Variants in ERICH6 observed in about 807,000 individuals in gnomAD.
ERICH6 encodes glutamate rich 6.
In ERICH6, 71 loss-of-function variants were observed where a neutral mutation model predicts 71.0. That is an observed-to-expected ratio of 1.00 (90% CI 0.83 to 1.22). ERICH6 has a LOEUF of 1.22. ERICH6 is among the 50% of genes most tolerant of loss of function. ERICH6 has a pLI of 0.00. For missense variants in ERICH6, 808 were observed against 797.2 expected, an observed-to-expected ratio of 1.01 and a Z score of -0.16; for synonymous variants, 262 against 278.4, an observed-to-expected ratio of 0.94 and a Z score of 0.59.
chr3:150,660,428 C>G (rs1420929359), intron 13 of ERICH6, among the ~76,000 whole-genome samples: 3 of 152,160 alleles, frequency 2.0e-5, no homozygotes, highest in Non-Finnish European at 4.4e-5. Context: ...GAGGGGATCA[C>G]AAAGATGCCT....
At chr3:150,676,315 T>C (rs545450475) in intron 10 of ERICH6, among the ~76,000 whole-genome samples, 4 of 152,288 alleles carry the variant, frequency 2.6e-5, no homozygotes, top group African/African-American at 7.2e-5. Context: ...TTTTTTTCCA[T>C]TTCAAATTTG....
At chr3:150,665,750 C>T (rs992852020) in intron 13 of ERICH6, among the ~76,000 whole-genome samples, 19 of 150,362 alleles carry the variant, frequency 1.3e-4, no homozygotes, top group Admixed American at 8.0e-4. Context: ...ATTGCTTGAA[C>T]CTGGGAGGTG....
At chr3:150,698,578 T>C (rs1290971756) in intron 3 of ERICH6, among the ~76,000 whole-genome samples, 4 of 152,262 alleles carry the variant, frequency 2.6e-5, no homozygotes, top group African/African-American at 9.6e-5. Flanking sequence ...TTTAATCTTA[T>C]TTTGATCTTC....
chr3:150,688,180 T>C (rs1347706717), intron 3 of ERICH6, among the ~76,000 whole-genome samples: 1 of 151,466 alleles, frequency 6.6e-6, no homozygotes, highest in Non-Finnish European at 1.5e-5. Flanking sequence ...TTTGGGGAGG[T>C]TGGGGGGCAA....
At chr3:150,702,081 T>C (rs1021579631) in intron 2 of ERICH6, 40 bp downstream of exon 2, 4 of 1,313,502 alleles carry the variant, frequency 3.0e-6, no homozygotes, top group Admixed American at 1.9e-5. Flanking sequence ...GTAAACATTA[T>C]TGGGTTCAAA....
intron 9 of ERICH6, 50 bp downstream of exon 9, chr3:150,680,418 C>T: frequency 6.4e-7 from 1 of 1,572,472 alleles, no homozygotes; most frequent in Non-Finnish European, 8.7e-7. Context: ...AACATCTGAG[C>T]TTTCTGACGT....
rs566378378 is a variant in ERICH6, at chr3:150,703,875, G to A, written c.24C>T (p.Ser8=). ...CCTTCTTCCCCGGGTCTCCGAAGCC[G>A]CTAGGCGAGCGCAAGTGGGCCATGG... MAHLRSP[S]GFGDPGKKDQ... is the part of the protein sequence containing the mutation. Residue 8 remains serine (S), a synonymous_variant, in exon 1 of 14, where the codon AGC becomes AGT. Coordinates refer to ENST00000295910, the MANE Select transcript of ERICH6 (RefSeq NM_152394.5). 2.1e-4 allele frequency: 336 copies of A among 1,613,200 alleles called. 3 individuals are homozygous for A. In the South Asian group the frequency reaches 2.7e-3, roughly 13 times the overall value.
At position 150,674,041 on chromosome 3, in the gene ERICH6, C is replaced by A. The variant is rs781452740; in HGVS notation, c.1258G>T (p.Val420Phe). 2.4e-5 allele frequency: 38 copies of A among 1,612,952 alleles called. No homozygotes were observed. Among genetic ancestry groups the A allele is most frequent in the Non-Finnish European group, 3.2e-5 (38 of 1,179,566 alleles). ...TTCTCTAAGAGCTCATTCCTGACAA[C>A]CTATACACCACAGAAAAGAAAAGAC... ...CCDSRIACGK[V>F]VRNELLEKHY... The change falls in exon 11 of 14, where the codon GTT becomes TTT. Residue 420 changes from valine (V) to phenylalanine (F), a missense_variant and splice_region_variant. By Grantham distance (50) the Val-to-Phe change is conservative. Around this residue, in one of 3 missense-constraint regions of ERICH6, gnomAD observed 736 missense variants for 712.2 expected, o/e 1.03. Coordinates refer to ENST00000295910, the MANE Select transcript of ERICH6 (RefSeq NM_152394.5).
intron 1 of ERICH6, among the ~76,000 whole-genome samples, chr3:150,702,824 T>G (rs1576566869): frequency 1.3e-5 from 2 of 150,502 alleles, no homozygotes; most frequent in South Asian, 2.1e-4. Flanking sequence ...GAGAGTTGTT[T>G]TTTTTTTTTG....
intron 10 of ERICH6, among the ~76,000 whole-genome samples, chr3:150,677,583 A>C (rs981353705): frequency 6.6e-6 from 1 of 151,522 alleles, no homozygotes; most frequent in African/African-American, 2.4e-5. Context: ...TGCAACCTCC[A>C]CCCCCAGGCT....
chr3:150,701,381 A>G (rs953587070), intron 2 of ERICH6, among the ~76,000 whole-genome samples: 1 of 151,940 alleles, frequency 6.6e-6, no homozygotes, highest in African/African-American at 2.4e-5. Context: ...CATTTTAAAT[A>G]ATGGAAACAA....
intron 10 of ERICH6, among the ~76,000 whole-genome samples, chr3:150,674,673 T>C (rs1438821957): frequency 6.6e-6 from 1 of 152,196 alleles, no homozygotes; most frequent in African/African-American, 2.4e-5. Context: ...TTATACTGGA[T>C]CTATGGATCA....
chr3:150,677,927 A>T (rs1348234261), intron 10 of ERICH6, among the ~76,000 whole-genome samples: 1 of 152,252 alleles, frequency 6.6e-6, no homozygotes, highest in Non-Finnish European at 1.5e-5. Context: ...ACTTTTGATT[A>T]CAAGAAAAAT....
Position 150,688,466 on chromosome 3 carries a change from A to C in ERICH6, c.554-2112T>G, listed in dbSNP as rs143281089. 3.5e-3 allele frequency among the ~76,000 whole-genome samples: 538 copies of C among 152,340 alleles called. 5 individuals carry two copies. The highest frequency in any genetic ancestry group is 0.013 in the African/African-American group (521 of 41,580). ...TTCCTGACATGGAGAGATGTCCGTGATACATTGCTGTCTTAGTTCATTTGG... is the reference window on the plus strand; with the variant it reads ...TTCCTGACATGGAGAGATGTCCGTGCTACATTGCTGTCTTAGTTCATTTGG... On this transcript the variant is annotated intron_variant, in intron 3 of 13. Coordinates refer to ENST00000295910, the MANE Select transcript of ERICH6 (RefSeq NM_152394.5).
At chr3:150,660,384 A>G (rs1329990825) in intron 13 of ERICH6, among the ~76,000 whole-genome samples, 1 of 152,212 alleles carries the variant, frequency 6.6e-6, no homozygotes, top group Non-Finnish European at 1.5e-5. Flanking sequence ...TCAAAAGCCT[A>G]TAATTTATTC....
At chr3:150,673,832 C>T in intron 11 of ERICH6, 124 bp downstream of exon 11, 1 of 805,470 alleles carries the variant, frequency 1.2e-6, no homozygotes, top group Non-Finnish European at 2.0e-6. Context: ...CTGCCCACCT[C>T]AGCCTCCCAA....
In ERICH6 at chr3:150,680,718, C is replaced by G. The variant is rs558724694; in HGVS notation, c.1040+55G>C. ...GAAAAAATGAGGTTCATTTACAAAA[C>G]GAGCTCCGATTAAGCCGGCCTGTAT... On this transcript the variant is annotated intron_variant, in intron 8 of 13. Coordinates refer to ENST00000295910, the MANE Select transcript of ERICH6 (RefSeq NM_152394.5). The G allele has an allele frequency of 4.5e-6, 7 of 1,564,686 alleles. No individual in the cohort carries two copies. In the East Asian group the frequency reaches 1.6e-4, roughly 35 times the overall value.
intron 3 of ERICH6, 111 bp downstream of exon 3, chr3:150,698,680 G>A (rs576290287): frequency 2.1e-5 from 17 of 815,480 alleles, no homozygotes; most frequent in Non-Finnish European, 3.5e-5. Context: ...CACAAGGTTA[G>A]TATGTGTTGG....
At chr3:150,679,777 C>A (rs1711822330) in intron 9 of ERICH6, among the ~76,000 whole-genome samples, 1 of 152,144 alleles carries the variant, frequency 6.6e-6, no homozygotes, top group African/African-American at 2.4e-5. Flanking sequence ...CCTGCCTCAG[C>A]CTCCCGAGTA....
Sources: gnomAD v4.1 joint callset for allele counts (sites outside exome capture counted in the v4.1 genomes callset) on GRCh38, gnomAD v4.1.1 for gene constraint, gnomAD v4.1.1 regional missense constraint, MANE v1.5 for transcripts, NCBI Gene and HGNC (gene_info 2026-07-23, HGNC 2026-07-21) for gene names.